The following AMER1 variants were observed in gnomAD, a reference collection of about 807,000 sequenced individuals.
AMER1 encodes APC membrane recruitment protein 1.
Under a neutral mutation model 53.0 loss-of-function variants are expected in AMER1, and 16 were observed. That is an observed-to-expected ratio of 0.30 (90% CI 0.20 to 0.46). The LOEUF (loss-of-function observed/expected upper bound fraction) is 0.46. Among genes scored for constraint, AMER1 ranks in the 20% least tolerant of loss-of-function variants. The pLI, the probability that AMER1 is intolerant of heterozygous loss-of-function variation, is 1.00. For missense variants in AMER1, 947 were observed against 884.9 expected, an observed-to-expected ratio of 1.07 and a Z score of -0.89; for synonymous variants, 354 against 331.9, an observed-to-expected ratio of 1.07 and a Z score of -0.73.
intron 1 of AMER1, among the ~76,000 whole-genome samples, chrX:64,196,416 A>G (rs980538263): frequency 4.5e-5 from 5 of 112,348 alleles, no homozygotes; most frequent in Non-Finnish European, 9.4e-5. Flanking sequence ...TAAACTGTAT[A>G]GTACAGTGCA....
In AMER1 at chrX:64,188,718, CT is replaced by C. The variant is rs1455518124; in HGVS notation, c.*1160del. The C allele has an allele frequency of 3.8e-6, 3 of 798,157 alleles. No homozygotes were observed. Among genetic ancestry groups the C allele is most frequent in the Admixed American group, 7.9e-5 (1 of 12,722 alleles). The allele number at this position is 798,157 out of a possible 1,213,427, so 65.8% of individuals were successfully genotyped here. On this transcript the variant is annotated 3_prime_UTR_variant, in exon 2 of 2. Coordinates refer to ENST00000374869, the MANE Select transcript of AMER1 (RefSeq NM_152424.4). Reference sequence around the variant, plus strand: ...TTTCCCTTTTAAGAAACTGAGATACCTTAAGCTCTGCATGGTCTGAAATCCC... The same window carrying C: ...TTTCCCTTTTAAGAAACTGAGATACCTAAGCTCTGCATGGTCTGAAATCCC...
rs768098639 is a variant in AMER1, at chrX:64,191,176, C to T, written c.2111G>A (p.Arg704His). The change falls in exon 2 of 2, where the codon CGT becomes CAT. Residue 704 changes from arginine to histidine, a missense_variant. By Grantham distance (29) the Arg-to-His change is conservative (BLOSUM62 0). Transcript: ENST00000374869. ...DWRDFRPLEK[R>H]YEGTCSKKDQ... ...TTTCTTGGAGCAGGTTCCTTCATAA[C>T]GCTTCTCCAGAGGACGGAAGTCCCT... 7 of 1,210,631 alleles carry T rather than the reference C, an allele frequency of 5.8e-6. No homozygotes were observed. Among genetic ancestry groups the T allele is most frequent in the African/African-American group, 5.2e-5 (3 of 57,361 alleles).
At position 64,188,614 on chromosome X, in the gene AMER1, G is replaced by A. The variant is rs1212182386; in HGVS notation, c.*1265C>T. The A allele has an allele frequency of 3.8e-6, 3 of 799,964 alleles. No individual in the cohort carries two copies. Among genetic ancestry groups the A allele is most frequent in the Non-Finnish European group, 4.5e-6 (3 of 668,317 alleles). 65.9% of individuals were successfully genotyped at this position (799,964 alleles called of 1,213,427 possible). ...ATCCTGTCTTGGGAGTGCAAACCTG[G>A]GGCCTTATTACAGAGTCCAAATGAT... On this transcript the variant is annotated 3_prime_UTR_variant, in exon 2 of 2. Coordinates refer to ENST00000374869, the MANE Select transcript of AMER1 (RefSeq NM_152424.4).
intron 1 of AMER1, among the ~76,000 whole-genome samples, chrX:64,200,485 G>C (rs1483365624): frequency 8.9e-6 from 1 of 112,159 alleles, no homozygotes; most frequent in Non-Finnish European, 1.9e-5. Context: ...ATTGAATTGC[G>C]GACCAGGAGC....
intron 1 of AMER1, among the ~76,000 whole-genome samples, chrX:64,194,735 T>C (rs1016498832): frequency 9.0e-5 from 10 of 111,534 alleles, no homozygotes; most frequent in Non-Finnish European, 1.7e-4. Context: ...AGGCCTGTGA[T>C]TGCTTGCCAT....
At chrX:64,202,308 C>G (rs1200492792) in intron 1 of AMER1, among the ~76,000 whole-genome samples, 1 of 111,846 alleles carries the variant, frequency 8.9e-6, no homozygotes, top group Non-Finnish European at 1.9e-5. Flanking sequence ...ATGAAGTTCC[C>G]AAGTTAACTC....
chrX:64,186,923 A>G lies in AMER1; in HGVS notation c.*2956T>C. 1 of 774,234 alleles carries G rather than the reference A, an allele frequency of 1.3e-6. No homozygotes were observed. The highest frequency in any genetic ancestry group is 1.5e-6 in the Non-Finnish European group (1 of 650,772). The allele number at this position is 774,234 out of a possible 1,213,427, so 63.8% of individuals were successfully genotyped here. A position where few individuals can be genotyped will look rare whatever the true frequency, so the allele number is the denominator to read the frequency against. ...ATCACAGCTGTCTGGCACTAGGCCT[A>G]TTGGGTAATAAGATGAAGGCAGCTA... On this transcript the variant is annotated 3_prime_UTR_variant, in exon 2 of 2. Coordinates refer to ENST00000374869, the MANE Select transcript of AMER1 (RefSeq NM_152424.4).
rs775971337 is a variant in AMER1 at position 64,190,617 on chromosome X, G to C, written c.2670C>G (p.Asn890Lys). The change falls in exon 2 of 2, where the codon AAC (asparagine) becomes AAG (lysine). Residue 890 changes from asparagine to lysine, a missense_variant. By Grantham distance (94) the Asn-to-Lys change is moderately conservative. Transcript: ENST00000374869. Reference protein sequence around the residue: ...PRPPPAAMALNRRSRSLDTAE... With the variant: ...PRPPPAAMALKRRSRSLDTAE... ...CAGTGTCGAGAGAGCGGCTTCTCCT[G>C]TTGAGGGCCATAGCAGCAGGTGGAG... The C allele has an allele frequency of 1.7e-5, 21 of 1,210,528 alleles. No homozygotes were observed. The highest frequency in any genetic ancestry group is 2.3e-5 in the Non-Finnish European group (21 of 895,340).
At chrX:64,205,406 T>C (rs1930579693) in intron 1 of AMER1, among the ~76,000 whole-genome samples, 164 bp downstream of exon 1, 2 of 96,767 alleles carry the variant, frequency 2.1e-5, no homozygotes, top group South Asian at 5.4e-4. Context: ...GCTCTGCCTC[T>C]CCACCCGACA....
intron 1 of AMER1, among the ~76,000 whole-genome samples, chrX:64,199,907 C>G (rs1930451291): frequency 8.9e-6 from 1 of 112,879 alleles, no homozygotes; most frequent in Non-Finnish European, 1.9e-5. Context: ...AGCCTTGTTT[C>G]TCTGCCTCTT....
At chrX:64,196,887 G>C (rs1452945300) in intron 1 of AMER1, among the ~76,000 whole-genome samples, 2 of 112,114 alleles carry the variant, frequency 1.8e-5, no homozygotes, top group Non-Finnish European at 3.8e-5. Context: ...AGGTGGCAGG[G>C]TCACCCATAG....
intron 1 of AMER1, among the ~76,000 whole-genome samples, chrX:64,195,746 C>A (rs907679093): frequency 8.9e-6 from 1 of 112,516 alleles, no homozygotes; most frequent in Non-Finnish European, 1.9e-5. Flanking sequence ...GAAACAGGTC[C>A]CTGGTTCCAA....
chrX:64,194,590 T>C (rs762347158), intron 1 of AMER1, among the ~76,000 whole-genome samples: 1 of 110,560 alleles, frequency 9.0e-6, no homozygotes, highest in East Asian at 2.8e-4. Context: ...TTGTCCCCTC[T>C]CTGTAGAGTG....
chrX:64,189,793 A>AGGGGGGGGGC lies in AMER1; in HGVS notation c.*85_*86insGCCCCCCCCC. The AGGGGGGGGGC allele has an allele frequency of 6.8e-6, 2 of 292,066 alleles. No individual in the cohort carries two copies. The highest frequency in any genetic ancestry group is 9.8e-6 in the Non-Finnish European group (2 of 204,827). The allele number at this position is 292,066 out of a possible 1,213,427, so 24.1% of individuals were successfully genotyped here. ...CAAAGGGTTTTCAAGTTAAACAACAACCCCCACCCCCCCACCCTTCTGCCC... is the reference window on the plus strand; with the variant it reads ...CAAAGGGTTTTCAAGTTAAACAACAAGGGGGGGGGCCCCCCACCCCCCCACCCTTCTGCCC... On this transcript the variant is annotated 3_prime_UTR_variant, in exon 2 of 2. Coordinates refer to ENST00000374869, the MANE Select transcript of AMER1 (RefSeq NM_152424.4).
At position 64,191,982 on chromosome X, in the gene AMER1, G is replaced by T. The variant is rs761740157; in HGVS notation, c.1305C>A (p.Gly435=). ...ACCTAACTGGGTCAAGGAGCATGTA[G>T]CCGTGGTGGCCTGGGGATGTGGTGG... The part of the protein sequence containing the change: ...YHPTTSPGHH[G]YMLLDPVRSY... The change falls in exon 2 of 2, where the codon GGC becomes GGA. Residue 435 remains glycine (G), a synonymous_variant. Coordinates refer to ENST00000374869, the MANE Select transcript of AMER1 (RefSeq NM_152424.4). The T allele has an allele frequency of 2.5e-6, 3 of 1,212,057 alleles. No individual in the cohort carries two copies. Among genetic ancestry groups the T allele is most frequent in the South Asian group, 1.8e-5 (1 of 56,970 alleles).
In AMER1 at chrX:64,191,423, C is replaced by G. The variant is rs2147087281; in HGVS notation, c.1864G>C (p.Glu622Gln). ...GCCTGGGCTTCTCGGGTTCTGGCCT[C>G]CCTGCCATGAGCTTCCCAAGTGTGG... ...EAHTWEAHGR[E>Q]ARTREAQARE... The change falls in exon 2 of 2, where the codon GAG (glutamate) becomes CAG (glutamine). Residue 622 changes from glutamate to glutamine, a missense_variant. Physicochemically the swap from Glu to Gln is conservative, Grantham distance 29. Transcript: ENST00000374869. 1 of 1,212,068 alleles carries G rather than the reference C, an allele frequency of 8.3e-7. No individual in the cohort carries two copies. The highest frequency in any genetic ancestry group is 1.1e-6 in the Non-Finnish European group (1 of 895,561).
chrX:64,200,468 C>T (rs1930464414), intron 1 of AMER1, among the ~76,000 whole-genome samples: 1 of 112,168 alleles, frequency 8.9e-6, no homozygotes, highest in Admixed American at 9.4e-5. Context: ...CGAGGAAGAA[C>T]TCTGGAATTG....
At chrX:64,202,210 C>G (rs1374505584) in intron 1 of AMER1, among the ~76,000 whole-genome samples, 1 of 111,682 alleles carries the variant, frequency 9.0e-6, no homozygotes, top group Non-Finnish European at 1.9e-5. Flanking sequence ...CAACTACCTC[C>G]TCTCCTTTTG....
rs766074060 is a variant in AMER1 at position 64,191,565 on chromosome X, C to A, written c.1722G>T (p.Arg574=). ...CCTCCTGGGCCTCAAGCTGCTCCCG[C>A]CGAAGCTCCCAATACAACAACTGTT... ...IQKQLLYWEL[R]REQLEAQEAR... Residue 574 remains arginine (R), a synonymous_variant, in exon 2 of 2, where the codon CGG becomes CGT. Coordinates refer to ENST00000374869, the MANE Select transcript of AMER1 (RefSeq NM_152424.4). 1.6e-6 allele frequency: 2 copies of A among 1,212,295 alleles called. No homozygotes were observed. Among genetic ancestry groups the A allele is most frequent in the Non-Finnish European group, 2.2e-6 (2 of 895,661 alleles).
Sources: allele counts gnomAD v4.1 joint callset (sites outside exome capture counted in the v4.1 genomes callset), GRCh38; gene constraint gnomAD v4.1.1; transcripts MANE v1.5; gene names NCBI Gene and HGNC (gene_info 2026-07-23, HGNC 2026-07-21).